The following PXDNL variants were observed in gnomAD, a reference collection of about 807,000 sequenced individuals.
PXDNL encodes the protein peroxidasin like, also known as probable oxidoreductase PXDNL.
In PXDNL, 145 loss-of-function variants were observed where a neutral mutation model predicts 150.8. That is an observed-to-expected ratio of 0.96 (90% confidence interval 0.84 to 1.10). The LOEUF (loss-of-function observed/expected upper bound fraction) is 1.10. Among genes scored for constraint, PXDNL ranks in the 50% least tolerant of loss-of-function variants. The pLI is 0.00. For synonymous variants in PXDNL, 757 were observed against 725.7 expected (o/e 1.04, Z -0.69); for missense variants, 2,087 against 1,873.9 (o/e 1.11, Z -2.10).
intron 2 of PXDNL, among the ~76,000 whole-genome samples, chr8:51,620,793 G>A (rs1223928043): frequency 6.6e-6 from 1 of 152,130 alleles, no homozygotes; most frequent in Non-Finnish European, 1.5e-5. Context: ...CAATCCACCT[G>A]CCTTGGCCTC....
At chr8:51,509,753 C>T (rs1441679452) in intron 4 of PXDNL, among the ~76,000 whole-genome samples, 43 of 87,246 alleles carry the variant, frequency 4.9e-4, no homozygotes, top group Middle Eastern at 7.4e-3. Context: ...CACACACACA[C>T]ACACACACAC....
chr8:51,436,179 G>A (rs551164992), intron 12 of PXDNL: 141 of 520,594 alleles, frequency 2.7e-4, no homozygotes, highest in Non-Finnish European at 4.4e-4. Context: ...TTAGTACACC[G>A]TGGTATCATC....
At chr8:51,339,906 T>C (rs1156589414) in intron 20 of PXDNL, 153 bp from the exon 21 acceptor site, 1 of 624,906 alleles carries the variant, frequency 1.6e-6, no homozygotes, top group African/African-American at 1.9e-5. Flanking sequence ...ATGAGTGGAA[T>C]TCAAAATTAA....
rs564177736 is a variant in PXDNL at position 51,772,239 on chromosome 8, C to T, written c.164+36942G>A. Among the ~76,000 whole-genome samples the T allele has an allele frequency of 1.4e-3, 210 of 145,562 alleles. 1 individual carries two copies. Among genetic ancestry groups the T allele is most frequent in the African/African-American group, 1.7e-3 (67 of 39,404 alleles). On this transcript the variant is annotated intron_variant, in intron 1 of 22. Coordinates refer to ENST00000356297, the MANE Select transcript of PXDNL (RefSeq NM_144651.5). ...CTCTCTTTCTCTCTCTCTCTATATACACACACACACACACACACACACACA... is the reference window on the plus strand; with the variant it reads ...CTCTCTTTCTCTCTCTCTCTATATATACACACACACACACACACACACACA...
chr8:51,809,273 G>C lies in PXDNL; in HGVS notation c.72C>G (p.Cys24Trp). The C allele has an allele frequency of 6.2e-7, 1 of 1,601,408 alleles. No individual in the cohort carries two copies. Among genetic ancestry groups the C allele is most frequent in the Non-Finnish European group, 8.5e-7 (1 of 1,173,944 alleles). The change falls in exon 1 of 23, where the codon TGC becomes TGG. Residue 24 changes from cysteine (C) to tryptophan (W), a missense_variant. Cys to Trp is a radical substitution (Grantham distance 215). Transcript: ENST00000356297. ...TCTTAAAGCAAAGGCACCGGCTGGG[G>C]CAGGGCAACCCTGGCAGGCACCACC... ...LAGWCLPGLP[C>W]PSRCLCFKST...
At chr8:51,798,072 G>A (rs2129261501) in intron 1 of PXDNL, among the ~76,000 whole-genome samples, 1 of 152,270 alleles carries the variant, frequency 6.6e-6, no homozygotes, top group South Asian at 2.1e-4. Flanking sequence ...AACAAGCAAT[G>A]GGGGAAGGAT....
intron 14 of PXDNL, among the ~76,000 whole-genome samples, chr8:51,422,280 G>A (rs1808975019): frequency 1.3e-5 from 2 of 152,098 alleles, no homozygotes; most frequent in African/African-American, 2.4e-5. Context: ...CACAATAAAT[G>A]TAATGCACTT....
At chr8:51,744,618 G>A (rs1283413895) in intron 1 of PXDNL, among the ~76,000 whole-genome samples, 5 of 125,580 alleles carry the variant, frequency 4.0e-5, no homozygotes, top group African/African-American at 1.2e-4. Flanking sequence ...GGAGCTTGCA[G>A]TGAGCCAAGA....
intron 1 of PXDNL, among the ~76,000 whole-genome samples, chr8:51,719,061 A>G (rs1450867369): frequency 6.6e-6 from 1 of 150,908 alleles, no homozygotes; most frequent in African/African-American, 2.4e-5. Context: ...CCCGGCCGCC[A>G]CCCCGTCTGG....
chr8:51,614,213 C>T (rs923283974), intron 2 of PXDNL, among the ~76,000 whole-genome samples: 19 of 152,178 alleles, frequency 1.2e-4, no homozygotes, highest in African/African-American at 3.9e-4. Context: ...ATTACTCTAC[C>T]GATTATTTCA....
chr8:51,808,916 A>T (rs79612913), intron 1 of PXDNL, among the ~76,000 whole-genome samples: 17,788 of 152,180 alleles, frequency 0.12, 1,247 homozygotes, highest in East Asian at 0.16. Context: ...AGGAAGAATG[A>T]AGACGAGAAT....
chr8:51,542,080 A>T (rs1348620567), intron 4 of PXDNL, among the ~76,000 whole-genome samples: 10 of 152,184 alleles, frequency 6.6e-5, no homozygotes, highest in African/African-American at 2.4e-4. Context: ...AGTCTTTTGT[A>T]AAGAACACTT....
chr8:51,484,144 T>A lies in PXDNL; in HGVS notation c.453-430A>T, dbSNP rs578239915. Among the ~76,000 whole-genome samples the A allele has an allele frequency of 5.3e-5, 8 of 152,178 alleles. No homozygotes were observed. In the East Asian group the frequency reaches 1.4e-3, roughly 26 times the overall value. On this transcript the variant is annotated intron_variant, in intron 5 of 22. Transcript: ENST00000356297. ...CTAAATATTTTAAATTTAAATATTT[T>A]AAATTTAAAAATACAGGCGTGGTGG...
At chr8:51,518,612 T>C (rs1811594433) in intron 4 of PXDNL, among the ~76,000 whole-genome samples, 1 of 152,128 alleles carries the variant, frequency 6.6e-6, no homozygotes, top group Non-Finnish European at 1.5e-5. Flanking sequence ...GAAAATAGCA[T>C]AAATCATAGC....
chr8:51,580,390 T>C (rs1049465195), intron 3 of PXDNL, among the ~76,000 whole-genome samples: 1 of 152,154 alleles, frequency 6.6e-6, no homozygotes, highest in Non-Finnish European at 1.5e-5. Context: ...AAACATTTTA[T>C]TTAAAAAATG....
chr8:51,638,450 A>T (rs1814657595), intron 2 of PXDNL, among the ~76,000 whole-genome samples: 2 of 152,200 alleles, frequency 1.3e-5, no homozygotes, highest in Non-Finnish European at 2.9e-5. Flanking sequence ...TGTATTCAGG[A>T]GACCCATCTC....
At chr8:51,370,147 C>T (rs532892577) in intron 19 of PXDNL, among the ~76,000 whole-genome samples, 1 of 152,374 alleles carries the variant, frequency 6.6e-6, no homozygotes, top group Non-Finnish European at 1.5e-5. Context: ...GGGATAATAA[C>T]AACCACCTTG....
intron 1 of PXDNL, among the ~76,000 whole-genome samples, chr8:51,671,201 C>T (rs181295832): frequency 3.9e-5 from 6 of 152,228 alleles, no homozygotes; most frequent in East Asian, 1.9e-4. Context: ...TGGAAGAGAT[C>T]GACAGATAGA....
At chr8:51,531,713 G>A (rs539472538) in intron 4 of PXDNL, among the ~76,000 whole-genome samples, 86 of 152,226 alleles carry the variant, frequency 5.6e-4, no homozygotes, top group Non-Finnish European at 9.7e-4. Context: ...GTCAAGTGAA[G>A]AAGATAGGGA....
Sources: gnomAD v4.1 joint callset for allele counts (sites outside exome capture counted in the v4.1 genomes callset) on GRCh38, gnomAD v4.1.1 for gene constraint, MANE v1.5 for transcripts, NCBI Gene and HGNC (gene_info 2026-07-23, HGNC 2026-07-21) for gene names.